Variants in KSR2 observed in about 807,000 individuals in gnomAD.
KSR2 encodes kinase suppressor of ras 2.
A neutral mutation model predicts 107.8 loss-of-function variants in KSR2; 25 were observed. The ratio of observed to expected loss-of-function variants is 0.23; its 90% CI spans 0.17 to 0.32. The LOEUF (loss-of-function observed/expected upper bound fraction) is 0.32. Among genes scored for constraint, KSR2 ranks in the 10% least tolerant of loss-of-function variants. The pLI is 1.00. For missense variants in KSR2, 887 were observed against 1,268.9 expected (o/e 0.70, Z 4.57); for synonymous variants, 480 against 507.0 (o/e 0.95, Z 0.71).
chr12:117,481,696 A>C (rs1872186525), intron 16 of KSR2, among the ~76,000 whole-genome samples: 1 of 152,214 alleles, frequency 6.6e-6, no homozygotes, highest in South Asian at 2.1e-4. Flanking sequence ...GTAATGAATG[A>C]GGGAACTTCC....
intron 1 of KSR2, among the ~76,000 whole-genome samples, chr12:117,913,522 T>C (rs1203964575): frequency 1.3e-5 from 2 of 152,110 alleles, no homozygotes; most frequent in Non-Finnish European, 2.9e-5. Flanking sequence ...GAGATCATAC[T>C]CAAAAGGGTG....
intron 5 of KSR2, among the ~76,000 whole-genome samples, chr12:117,613,462 C>T (rs376282531): frequency 6.6e-6 from 1 of 152,154 alleles, no homozygotes. Flanking sequence ...TTTTGCCACC[C>T]GAGGCTGATC....
intron 2 of KSR2, 25 bp from the exon 3 acceptor site, chr12:117,855,603 A>G (rs760914368): frequency 1.2e-6 from 2 of 1,613,114 alleles, no homozygotes; most frequent in Middle Eastern, 1.6e-4. Flanking sequence ...AAGGATTGTC[A>G]ACCGTGGGGC....
intron 5 of KSR2, among the ~76,000 whole-genome samples, chr12:117,589,390 T>G (rs544465641): frequency 1.3e-5 from 2 of 152,272 alleles, no homozygotes; most frequent in East Asian, 3.9e-4. Flanking sequence ...TTTCACTTAG[T>G]CTCCATAATT....
intron 4 of KSR2, among the ~76,000 whole-genome samples, chr12:117,683,895 C>T (rs898461011): frequency 1.3e-5 from 2 of 152,234 alleles, no homozygotes; most frequent in Admixed American, 1.3e-4. Flanking sequence ...GACTTTGTAG[C>T]AGAAACTCAG....
chr12:117,787,021 C>G (rs1029646693), intron 3 of KSR2, among the ~76,000 whole-genome samples: 1 of 120,936 alleles, frequency 8.3e-6, no homozygotes, highest in Non-Finnish European at 1.6e-5. Context: ...AAGAGCAAAA[C>G]TCCATCTCAA....
In KSR2 at chr12:117,968,522, G is replaced by T; in HGVS notation, c.-267C>A. The T allele has an allele frequency of 8.1e-7, 1 of 1,230,806 alleles. No individual in the cohort carries two copies. Among genetic ancestry groups the T allele is most frequent in the Non-Finnish European group, 1.0e-6 (1 of 989,120 alleles). 76.2% of individuals were successfully genotyped at this position (1,230,806 alleles called of 1,614,324 possible). A position where few individuals can be genotyped will look rare whatever the true frequency, so the allele number is the denominator to read the frequency against. On this transcript the variant is annotated 5_prime_UTR_variant, in exon 1 of 20. Transcript: ENST00000339824. ...TCTCTGAGTCTCTGGTCCCTGAAAA[G>T]GAGAGATGCTGTTTCTCAGAAGCAA...
intron 4 of KSR2, among the ~76,000 whole-genome samples, chr12:117,692,258 A>G (rs1404149569): frequency 6.6e-6 from 1 of 151,978 alleles, no homozygotes; most frequent in Non-Finnish European, 1.5e-5. Context: ...AGAAGGAGAT[A>G]CCACTTCACA....
At chr12:117,695,270 T>C (rs1239352954) in intron 4 of KSR2, among the ~76,000 whole-genome samples, 1 of 152,010 alleles carries the variant, frequency 6.6e-6, no homozygotes, top group African/African-American at 2.4e-5. Context: ...GAGCTTTAGT[T>C]TGGGAAGATG....
intron 1 of KSR2, among the ~76,000 whole-genome samples, chr12:117,954,316 A>G (rs1291802516): frequency 6.6e-6 from 1 of 152,164 alleles, no homozygotes; most frequent in Non-Finnish European, 1.5e-5. Context: ...ATGCAAGCTT[A>G]AGACAAGTCT....
chr12:117,645,868 CGTGTGTGTGTGTGTGTGTGTGT>C lies in KSR2; in HGVS notation c.1171+21584_1171+21605del, dbSNP rs58896782. ...CTTCTGGAATGTGCATGTGTATGTG[CGTGTGTGTGTGTGTGTGTGTGT>C]GTGTGTGTGTGTGTGTGTGTGTGTA... On this transcript the variant is annotated intron_variant, in intron 5 of 19. Transcript: ENST00000339824. Among the ~76,000 whole-genome samples, 33 of 142,162 alleles carry C rather than the reference CGTGTGTGTGTGTGTGTGTGTGT, an allele frequency of 2.3e-4. 1 individual carries two copies. In the East Asian group the frequency reaches 6.4e-3, roughly 28 times the overall value. 93.3% of individuals were successfully genotyped at this position (142,162 alleles called of 152,430 possible).
chr12:117,567,682 C>T (rs1878600367), intron 7 of KSR2, among the ~76,000 whole-genome samples: 2 of 147,724 alleles, frequency 1.4e-5, no homozygotes, highest in Non-Finnish European at 3.0e-5. Flanking sequence ...AAAAAAATCA[C>T]GAAACCGAAT....
rs549779183 is a variant in KSR2 at position 117,794,143 on chromosome 12, C to T, written c.473-32619G>A. On this transcript the variant is annotated intron_variant, in intron 3 of 19. Transcript: ENST00000339824. The stretch of plus-strand genomic sequence containing the variant: ...GCACACTCACACCAACATGCACACA[C>T]CCCAACATGCACACATACACCAACA... 4.8e-4 allele frequency among the ~76,000 whole-genome samples: 61 copies of T among 128,226 alleles called. 3 individuals carry two copies. Among genetic ancestry groups the T allele is most frequent in the Admixed American group, 1.6e-3 (19 of 11,752 alleles). 84.1% of individuals were successfully genotyped at this position (128,226 alleles called of 152,430 possible).
At chr12:117,475,122 CCTT>C (rs1364180673) in intron 17 of KSR2, among the ~76,000 whole-genome samples, 4 of 152,180 alleles carry the variant, frequency 2.6e-5, no homozygotes, top group Non-Finnish European at 5.9e-5. Context: ...CCCATCCTCT[CCTT>C]CTTCATTCCA....
intron 1 of KSR2, among the ~76,000 whole-genome samples, chr12:117,871,135 G>A (rs1442130160): frequency 1.3e-5 from 2 of 152,130 alleles, no homozygotes; most frequent in African/African-American, 2.4e-5. Context: ...TTTCCACAAC[G>A]CTGGAGGAAT....
intron 5 of KSR2, among the ~76,000 whole-genome samples, chr12:117,626,183 G>A (rs932125212): frequency 8.6e-5 from 13 of 151,934 alleles, no homozygotes; most frequent in Non-Finnish European, 1.8e-4. Flanking sequence ...TTTTTGACGG[G>A]TTTTTTGTGT....
At chr12:117,854,833 C>A (rs1893045854) in intron 3 of KSR2, among the ~76,000 whole-genome samples, 1 of 151,338 alleles carries the variant, frequency 6.6e-6, no homozygotes, top group Non-Finnish European at 1.5e-5. Context: ...TATTTGGCCC[C>A]CAAACTGATA....
chr12:117,841,654 T>G (rs1892482318), intron 3 of KSR2, among the ~76,000 whole-genome samples: 1 of 152,186 alleles, frequency 6.6e-6, no homozygotes, highest in Non-Finnish European at 1.5e-5. Context: ...CAGGGACCAC[T>G]CAGAGTTAAG....
chr12:117,966,485 T>C (rs770470239), intron 1 of KSR2, among the ~76,000 whole-genome samples: 3 of 151,900 alleles, frequency 2.0e-5, no homozygotes, highest in Non-Finnish European at 2.9e-5. Flanking sequence ...CCCAACACAA[T>C]TCCCACTCTC....
Sources: allele counts gnomAD v4.1 joint callset (sites outside exome capture counted in the v4.1 genomes callset), GRCh38; gene constraint gnomAD v4.1.1; transcripts MANE v1.5; gene names NCBI Gene and HGNC (gene_info 2026-07-23, HGNC 2026-07-21).